Variants in NFIB observed in about 807,000 individuals in gnomAD.
The protein encoded by NFIB is nuclear factor 1 B-type.
NFIB carries 11 observed loss-of-function variants against 61.5 expected under a neutral mutation model. That is an observed-to-expected ratio of 0.18 (90% CI 0.11 to 0.30). NFIB has a LOEUF of 0.30. Among genes scored for constraint, NFIB ranks in the 10% least tolerant of loss-of-function variants. The pLI is 1.00. For missense variants in NFIB, 471 were observed against 608.9 expected (o/e 0.77, Z 2.38); for synonymous variants, 260 against 216.5 (o/e 1.20, Z -1.76).
chr9:14,321,372 C>T (rs1473877000), intron 1 of NFIB, among the ~76,000 whole-genome samples: 4 of 151,898 alleles, frequency 2.6e-5, no homozygotes, highest in Admixed American at 2.0e-4. Context: ...CAATAGGATG[C>T]CACAAATTCA....
intron 1 of NFIB, among the ~76,000 whole-genome samples, chr9:14,325,770 G>A (rs1049584340): frequency 7.9e-5 from 12 of 151,728 alleles, no homozygotes; most frequent in African/African-American, 2.9e-4. Context: ...GGCATATTTA[G>A]GATGCAATAC....
the NFIB span, among the ~76,000 whole-genome samples, chr9:14,499,096 GA>G: frequency 4.6e-5 from 7 of 151,942 alleles, no homozygotes; most frequent in African/African-American, 1.7e-4. Context: ...GTGTGAGAGA[GA>G]GAGAATGAAG....
At chr9:14,122,488 A>C (rs116037579) in intron 7 of NFIB, among the ~76,000 whole-genome samples, 1,554 of 152,330 alleles carry the variant, frequency 0.01, 24 homozygotes, top group African/African-American at 0.035. Context: ...AGCATCCTCC[A>C]TCAAATGTAT....
intron 3 of NFIB, among the ~76,000 whole-genome samples, chr9:14,167,404 G>A (rs1044358605): frequency 1.3e-5 from 2 of 151,996 alleles, no homozygotes; most frequent in African/African-American, 2.4e-5. Flanking sequence ...ATGGTGGTAC[G>A]CGCCTCTAGT....
intron 3 of NFIB, among the ~76,000 whole-genome samples, chr9:14,174,006 C>A (rs2045867539): frequency 6.6e-6 from 1 of 152,134 alleles, no homozygotes; most frequent in Admixed American, 6.5e-5. Flanking sequence ...GAGGGCTATG[C>A]GTTCTTCTGG....
chr9:14,104,320 T>C (rs2036229082), intron 10 of NFIB, among the ~76,000 whole-genome samples: 1 of 152,186 alleles, frequency 6.6e-6, no homozygotes, highest in Non-Finnish European at 1.5e-5. Context: ...AAGAAGTAAA[T>C]GTGTTCAGTC....
At chr9:14,097,175 T>A (rs939992720) in intron 10 of NFIB, among the ~76,000 whole-genome samples, 2 of 152,180 alleles carry the variant, frequency 1.3e-5, no homozygotes, top group Non-Finnish European at 2.9e-5. Context: ...AAAAGAATAT[T>A]CATATACAAA....
rs2032952924 is a variant in NFIB at position 14,086,947 on chromosome 9, A to G, written c.*1362T>C. On this transcript the variant is annotated 3_prime_UTR_variant, in exon 11 of 11. Transcript: ENST00000380953. ...CCATGCACACTATGGATCTGTCAAT[A>G]CAAGAAATTTGTTGAACAAGGCTAA... The G allele has an allele frequency of 4.9e-6, 1 of 203,072 alleles. No individual in the cohort carries two copies. Among genetic ancestry groups the G allele is most frequent in the African/African-American group, 2.3e-5 (1 of 43,604 alleles). 12.6% of individuals were successfully genotyped at this position (203,072 alleles called of 1,614,324 possible). A position where few individuals can be genotyped will look rare whatever the true frequency, so the allele number is the denominator to read the frequency against.
intron 2 of NFIB, among the ~76,000 whole-genome samples, chr9:14,224,175 T>C (rs1228478090): frequency 6.6e-6 from 1 of 152,188 alleles, no homozygotes; most frequent in African/African-American, 2.4e-5. Context: ...CCATATTCAA[T>C]ACACAAAAAG....
At chr9:14,107,501 G>C (rs1462305508) in intron 10 of NFIB, among the ~76,000 whole-genome samples, 2 of 152,022 alleles carry the variant, frequency 1.3e-5, no homozygotes, top group African/African-American at 2.4e-5. Flanking sequence ...TAAATCATAA[G>C]ATAAGTATTA....
intron 2 of NFIB, among the ~76,000 whole-genome samples, chr9:14,245,600 C>T (rs2054829901): frequency 1.3e-5 from 2 of 152,232 alleles, no homozygotes; most frequent in African/African-American, 4.8e-5. Context: ...TGGCCGGGCT[C>T]AGTGGCTCAC....
intron 6 of NFIB, among the ~76,000 whole-genome samples, chr9:14,133,098 C>A (rs1013290305): frequency 3.3e-5 from 5 of 152,084 alleles, no homozygotes. Flanking sequence ...ATTATATTGA[C>A]AAGTTTTATC....
intron 7 of NFIB, among the ~76,000 whole-genome samples, chr9:14,124,250 T>A (rs1195841305): frequency 6.6e-6 from 1 of 152,206 alleles, no homozygotes; most frequent in East Asian, 1.9e-4. Flanking sequence ...TCAGGTGTCG[T>A]AACAAATGGG....
intron 2 of NFIB, among the ~76,000 whole-genome samples, chr9:14,225,231 T>C (rs1387857214): frequency 6.6e-6 from 1 of 152,126 alleles, no homozygotes; most frequent in Non-Finnish European, 1.5e-5. Flanking sequence ...AAGAATCTTC[T>C]TATCTCAAGA....
chr9:14,488,639 T>C, the NFIB span, among the ~76,000 whole-genome samples: 1 of 152,110 alleles, frequency 6.6e-6, no homozygotes, highest in Non-Finnish European at 1.5e-5. Flanking sequence ...AGGTGGTGTG[T>C]GGTGTGAAGC....
At chr9:14,321,924 A>T (rs916456263) in intron 1 of NFIB, 1 of 1,231,620 alleles carries the variant, frequency 8.1e-7, no homozygotes, top group Non-Finnish European at 1.0e-6. Context: ...AAAACCCATC[A>T]GTTCAAAGCC....
At chr9:14,322,778 C>G (rs374350114) in intron 1 of NFIB, among the ~76,000 whole-genome samples, 1 of 151,916 alleles carries the variant, frequency 6.6e-6, no homozygotes, top group Non-Finnish European at 1.5e-5. Flanking sequence ...GCGCCCCTCT[C>G]GAGCGTGGGT....
At chr9:14,491,941 CT>C in the NFIB span, among the ~76,000 whole-genome samples, 19 of 152,140 alleles carry the variant, frequency 1.2e-4, no homozygotes, top group African/African-American at 4.3e-4. Context: ...GCATTGGCAC[CT>C]CACAGTTTAT....
At chr9:14,342,548 G>A (rs529209618) in intron 1 of NFIB, among the ~76,000 whole-genome samples, 34 of 152,052 alleles carry the variant, frequency 2.2e-4, no homozygotes, top group East Asian at 9.6e-4. Context: ...AGGAAGGCTC[G>A]TTTATTGAAC....
Sources: gnomAD v4.1 joint callset for allele counts (sites outside exome capture counted in the v4.1 genomes callset) on GRCh38, gnomAD v4.1.1 for gene constraint, MANE v1.5 for transcripts, NCBI Gene and HGNC (gene_info 2026-07-23, HGNC 2026-07-21) for gene names.